OTUD7A: variants seen among roughly 807,000 people sequenced by gnomAD.
The protein encoded by OTUD7A is OTU domain-containing protein 7A.
In OTUD7A, 12 loss-of-function variants were observed where a neutral mutation model predicts 65.7. The observed-to-expected ratio is 0.18, with a 90% confidence interval of 0.12 to 0.30. The LOEUF (loss-of-function observed/expected upper bound fraction) is 0.30. OTUD7A is among the 10% of genes least tolerant of loss of function. OTUD7A has a pLI of 1.00. For missense variants in OTUD7A, 1,148 were observed against 1,304.8 expected (o/e 0.88, Z 1.85); for synonymous variants, 641 against 586.3 (o/e 1.09, Z -1.35).
chr15:31,625,256 G>A (rs1267198655), intron 3 of OTUD7A, among the ~76,000 whole-genome samples: 1 of 152,174 alleles, frequency 6.6e-6, no homozygotes, highest in Non-Finnish European at 1.5e-5. Context: ...AGGACCCTGA[G>A]CCAGTTACAC....
chr15:31,486,644 G>GC (rs141200581), intron 12 of OTUD7A, among the ~76,000 whole-genome samples: 2,639 of 152,330 alleles, frequency 0.017, 62 homozygotes, highest in African/African-American at 0.061. Context: ...TGGGGCGTAG[G>GC]CCCCTCTCCT....
chr15:31,776,794 C>T (rs1032990170), intron 1 of OTUD7A, among the ~76,000 whole-genome samples: 5 of 152,082 alleles, frequency 3.3e-5, no homozygotes, highest in African/African-American at 1.2e-4. Flanking sequence ...TGAAAGTGGG[C>T]ATTTGCTAGT....
chr15:31,572,206 C>T (rs1889075561), intron 3 of OTUD7A, among the ~76,000 whole-genome samples: 1 of 152,168 alleles, frequency 6.6e-6, no homozygotes, highest in South Asian at 2.1e-4. Context: ...GATAGCAATA[C>T]ACACAGCTGA....
At chr15:31,599,844 T>C (rs1197063484) in intron 3 of OTUD7A, among the ~76,000 whole-genome samples, 1 of 152,024 alleles carries the variant, frequency 6.6e-6, no homozygotes, top group Non-Finnish European at 1.5e-5. Flanking sequence ...TCGTGAAGCA[T>C]ACACAAATAT....
intron 1 of OTUD7A, among the ~76,000 whole-genome samples, chr15:31,839,827 G>A (rs1381961163): frequency 6.6e-6 from 1 of 152,180 alleles, no homozygotes; most frequent in Admixed American, 6.5e-5. Flanking sequence ...TTATATCAAG[G>A]CTGGGATTCT....
chr15:31,842,436 C>T (rs1897205909), intron 1 of OTUD7A, among the ~76,000 whole-genome samples: 1 of 152,192 alleles, frequency 6.6e-6, no homozygotes. Flanking sequence ...TCATGCCCTG[C>T]TCCCAGAACT....
intron 3 of OTUD7A, among the ~76,000 whole-genome samples, chr15:31,574,738 G>A (rs541445594): frequency 1.3e-5 from 2 of 152,184 alleles, no homozygotes; most frequent in African/African-American, 2.4e-5. Context: ...CATCTCCTTG[G>A]GCTAGCAAAT....
intron 1 of OTUD7A, among the ~76,000 whole-genome samples, chr15:31,665,978 A>G (rs139051786): frequency 7.2e-4 from 109 of 151,592 alleles, no homozygotes; most frequent in Non-Finnish European, 1.2e-3. Context: ...GCGTATGTGA[A>G]ATCATCCCTT....
intron 1 of OTUD7A, among the ~76,000 whole-genome samples, chr15:31,865,725 C>T (rs937593120): frequency 1.3e-5 from 2 of 152,164 alleles, no homozygotes; most frequent in Non-Finnish European, 2.9e-5. Flanking sequence ...GCTCCTAAAC[C>T]TTTGTCTCAG....
At chr15:31,678,374 A>G (rs1056966322) in intron 1 of OTUD7A, among the ~76,000 whole-genome samples, 1 of 152,216 alleles carries the variant, frequency 6.6e-6, no homozygotes, top group Non-Finnish European at 1.5e-5. Flanking sequence ...AGTAATGAGG[A>G]GCCAAATGTT....
intron 1 of OTUD7A, among the ~76,000 whole-genome samples, chr15:31,816,724 A>G (rs916652395): frequency 2.6e-5 from 4 of 152,014 alleles, no homozygotes; most frequent in Non-Finnish European, 1.5e-5. Flanking sequence ...TTAAACATAC[A>G]CTGAGACATT....
intron 3 of OTUD7A, among the ~76,000 whole-genome samples, chr15:31,595,726 G>T (rs1889884351): frequency 6.6e-6 from 1 of 152,238 alleles, no homozygotes; most frequent in South Asian, 2.1e-4. Context: ...TGTCAGCAGA[G>T]CCGTGGTCCC....
intron 1 of OTUD7A, among the ~76,000 whole-genome samples, chr15:31,761,228 T>C (rs1595751741): frequency 6.6e-6 from 1 of 152,122 alleles, no homozygotes; most frequent in Non-Finnish European, 1.5e-5. Flanking sequence ...CAAAGAACAC[T>C]ATCAAGAATA....
chr15:31,586,565 C>T (rs1889543817), intron 3 of OTUD7A, among the ~76,000 whole-genome samples: 1 of 152,146 alleles, frequency 6.6e-6, no homozygotes, highest in African/African-American at 2.4e-5. Flanking sequence ...CTTTGAGTCC[C>T]AGTTTTGGCA....
intron 3 of OTUD7A, among the ~76,000 whole-genome samples, chr15:31,646,146 C>T (rs754273036): frequency 2.0e-5 from 3 of 151,538 alleles, no homozygotes; most frequent in African/African-American, 4.9e-5. Context: ...CTTCAGCTTA[C>T]GCCCACATTA....
chr15:31,778,821 C>T (rs1189407869), intron 1 of OTUD7A, among the ~76,000 whole-genome samples: 1 of 152,162 alleles, frequency 6.6e-6, no homozygotes, highest in Non-Finnish European at 1.5e-5. Flanking sequence ...CTTCCTTTCC[C>T]CGCTCCCAGC....
intron 3 of OTUD7A, among the ~76,000 whole-genome samples, chr15:31,653,579 C>G (rs1406824221): frequency 6.7e-6 from 1 of 150,148 alleles, no homozygotes; most frequent in Non-Finnish European, 1.5e-5. Context: ...GAAAACAGAG[C>G]ACTGACTGCC....
chr15:31,816,532 T>G (rs1448676291), intron 1 of OTUD7A, among the ~76,000 whole-genome samples: 1 of 15,094 alleles, frequency 6.6e-5, no homozygotes, highest in Non-Finnish European at 2.8e-4. Flanking sequence ...CTACTAAAAA[T>G]ACAAAAAAAA....
chr15:31,624,212 AT>A (rs1221002360), intron 3 of OTUD7A, among the ~76,000 whole-genome samples: 2 of 152,238 alleles, frequency 1.3e-5, no homozygotes, highest in Non-Finnish European at 2.9e-5. Context: ...TAGTCTGACC[AT>A]TATGATTCAC....
Sources: allele counts gnomAD v4.1 joint callset (sites outside exome capture counted in the v4.1 genomes callset), GRCh38; gene constraint gnomAD v4.1.1; transcripts MANE v1.5; gene names NCBI Gene and HGNC (gene_info 2026-07-23, HGNC 2026-07-21).